The following CNTRL variants were observed in gnomAD, a reference collection of about 807,000 sequenced individuals.
CNTRL encodes 110 kDa centrosomal protein.
A neutral mutation model predicts 303.7 loss-of-function variants in CNTRL; 233 were observed. That is an observed-to-expected ratio of 0.77 (90% CI 0.69 to 0.86). The LOEUF is 0.86. CNTRL is among the 40% of genes least tolerant of loss of function. The probability of loss-of-function intolerance (pLI) is 0.00; values close to 1 mark genes in which losing one functional copy is unlikely to be tolerated. For synonymous variants in CNTRL, 900 were observed against 922.2 expected, an observed-to-expected ratio of 0.98 and a Z score of 0.44; for missense variants, 2,524 against 2,650.6, an observed-to-expected ratio of 0.95 and a Z score of 1.05.
chr9:121,147,537 G>T (rs936915379), intron 23 of CNTRL, among the ~76,000 whole-genome samples: 1 of 152,150 alleles, frequency 6.6e-6, no homozygotes, highest in Admixed American at 6.5e-5. Context: ...AGTGGAGCTG[G>T]GAAAGAGGAG....
intron 14 of CNTRL, among the ~76,000 whole-genome samples, chr9:121,134,094 A>G (rs1056765065): frequency 2.6e-5 from 4 of 152,318 alleles, no homozygotes; most frequent in African/African-American, 7.2e-5. Context: ...CTTGGATTCA[A>G]TAAATATTTT....
chr9:121,120,070 A>C (rs1438579910), intron 12 of CNTRL, among the ~76,000 whole-genome samples: 1 of 152,150 alleles, frequency 6.6e-6, no homozygotes, highest in Non-Finnish European at 1.5e-5. Context: ...CCTAAAATAC[A>C]AGGAAAAATA....
At chr9:121,121,211 CA>C (rs375439146) in intron 12 of CNTRL, among the ~76,000 whole-genome samples, 366 of 152,354 alleles carry the variant, frequency 2.4e-3, no homozygotes, top group Admixed American at 4.9e-3. Flanking sequence ...TAAGTGCCCA[CA>C]ATGTGTCATA....
rs1430879121 is a variant in CNTRL at position 121,098,533 on chromosome 9, A to T, written c.769A>T (p.Thr257Ser). The T allele has an allele frequency of 1.9e-6, 3 of 1,613,512 alleles. No individual in the cohort carries two copies. The highest frequency in any genetic ancestry group is 2.5e-6 in the Non-Finnish European group (3 of 1,179,756). ...AAGTTTGGAAGGTCAGCCAGTAACC[A>T]CTCAGGATAGACAGGAGGCTTTTGA... ...LESLEGQPVT[T>S]QDRQEAFERF... The change falls in exon 7 of 44, where the codon ACT becomes TCT. Residue 257 changes from threonine to serine, a missense_variant. Thr to Ser is a moderately conservative substitution (Grantham distance 58, BLOSUM62 1). Coordinates refer to ENST00000373855, the MANE Select transcript of CNTRL (RefSeq NM_007018.6).
intron 4 of CNTRL, among the ~76,000 whole-genome samples, chr9:121,094,582 A>T (rs1176592417): frequency 6.6e-6 from 1 of 152,162 alleles, no homozygotes; most frequent in Non-Finnish European, 1.5e-5. Context: ...GGGGAATGAG[A>T]GGGAGAGGTA....
chr9:121,079,634 T>C (rs2048062227), intron 1 of CNTRL, among the ~76,000 whole-genome samples: 1 of 152,238 alleles, frequency 6.6e-6, no homozygotes, highest in Admixed American at 6.5e-5. Context: ...TTTACATTTA[T>C]ATTTAAATAT....
At chr9:121,107,314 A>G (rs1157154027) in intron 7 of CNTRL, among the ~76,000 whole-genome samples, 1 of 152,212 alleles carries the variant, frequency 6.6e-6, no homozygotes. Context: ...AAGCTGCAGT[A>G]GAGTATGCTT....
At chr9:121,150,672 T>C in intron 25 of CNTRL, 189 bp downstream of exon 25, 1 of 604,194 alleles carries the variant, frequency 1.7e-6, no homozygotes, top group Non-Finnish European at 2.9e-6. Context: ...CATGTGCCTA[T>C]AATCCGAGCT....
intron 36 of CNTRL, among the ~76,000 whole-genome samples, chr9:121,167,256 A>G (rs1275541649): frequency 6.6e-6 from 1 of 152,104 alleles, no homozygotes. Flanking sequence ...GGTTGCAGTG[A>G]GCCGAGATCA....
rs569179446 is a variant in CNTRL at position 121,152,593 on chromosome 9, G to T, written c.4072G>T (p.Glu1358Ter). 6.2e-7 allele frequency: 1 copy of T among 1,613,828 alleles called. No individual in the cohort carries two copies. The highest frequency in any genetic ancestry group is 2.2e-5 in the East Asian group (1 of 44,870). The change falls in exon 26 of 44, where the codon GAA (glutamate) becomes TAA (stop). Residue 1358 changes from glutamate to a stop codon, truncating the protein, a stop_gained. Transcript: ENST00000373855. LOFTEE classifies it high-confidence loss of function. ...GCGGCAGTCGGAGAAAGAAATGGAAGAACTGCATCATAATATTGATGATCT... is the reference window on the plus strand; with the variant it reads ...GCGGCAGTCGGAGAAAGAAATGGAATAACTGCATCATAATATTGATGATCT... ...SKRQSEKEME[E>*]LHHNIDDLLQ...
chr9:121,145,505 G>T (rs886176035), intron 22 of CNTRL, 120 bp downstream of exon 22: 5 of 988,966 alleles, frequency 5.1e-6, no homozygotes, highest in Non-Finnish European at 7.4e-6. Flanking sequence ...GAGAGCTGTG[G>T]TAATTAGCTT....
In CNTRL at chr9:121,173,501, C is replaced by T; in HGVS notation, c.6676C>T (p.His2226Tyr). Residue 2226 changes from histidine (H) to tyrosine (Y), a missense_variant, in exon 41 of 44, where the codon CAC (histidine) becomes TAC (tyrosine). Physicochemically the swap from His to Tyr is moderately conservative, Grantham distance 83. Coordinates refer to ENST00000373855, the MANE Select transcript of CNTRL (RefSeq NM_007018.6). ...FEEKLNFSQV[H>Y]IMDEHWRGEA... ...AGAAAAACTGAACTTTTCCCAAGTT[C>T]ACATAATGGTAAGGGTTTATCCTGC... 2 of 1,613,178 alleles carry T rather than the reference C, an allele frequency of 1.2e-6. No individual in the cohort carries two copies. Among genetic ancestry groups the T allele is most frequent in the Non-Finnish European group, 1.7e-6 (2 of 1,179,822 alleles).
chr9:121,125,504 GC>G (rs1255657530), intron 13 of CNTRL, among the ~76,000 whole-genome samples: 4 of 151,976 alleles, frequency 2.6e-5, no homozygotes, highest in South Asian at 2.1e-4. Context: ...TATAAGCATT[GC>G]CCCCTAAATG....
chr9:121,148,635 T>TA, intron 23 of CNTRL, 37 bp from the exon 24 acceptor site: 1 of 1,552,638 alleles, frequency 6.4e-7, no homozygotes, highest in East Asian at 2.3e-5. Context: ...CCTTTCCATT[T>TA]ATAATAGATA....
intron 31 of CNTRL, 36 bp downstream of exon 31, chr9:121,159,055 G>A: frequency 6.3e-7 from 1 of 1,587,626 alleles, no homozygotes. Flanking sequence ...AAGAGTCGTA[G>A]GACAGTGCTA....
At chr9:121,104,807 T>C (rs971525712) in intron 7 of CNTRL, among the ~76,000 whole-genome samples, 1 of 150,032 alleles carries the variant, frequency 6.7e-6, no homozygotes, top group Non-Finnish European at 1.5e-5. Flanking sequence ...GTTCAAGTGG[T>C]TCTCCTGTCT....
In CNTRL at chr9:121,148,761, G is replaced by A. The variant is rs780222797; in HGVS notation, c.3549G>A (p.Gly1183=). The change falls in exon 24 of 44, where the codon GGG becomes GGA. Residue 1183 remains glycine (G), a synonymous_variant. Coordinates refer to ENST00000373855, the MANE Select transcript of CNTRL (RefSeq NM_007018.6). ...ASTPVRKPRP[G]QQDGKEGSQP... is the part of the protein sequence containing the mutation. ...CTCCTGTTAGAAAACCACGCCCTGG[G>A]CAGCAGGATGGGAAGGAAGGCAGTC... is the stretch of plus-strand genomic sequence containing the variant. 1 of 1,614,076 alleles carries A rather than the reference G, an allele frequency of 6.2e-7. No individual in the cohort carries two copies. Among genetic ancestry groups the A allele is most frequent in the South Asian group, 1.1e-5 (1 of 91,076 alleles).
intron 36 of CNTRL, 22 bp downstream of exon 36, chr9:121,166,202 T>C (rs1450480119): frequency 1.3e-6 from 2 of 1,560,064 alleles, no homozygotes; most frequent in African/African-American, 1.4e-5. Flanking sequence ...AAATGTAATA[T>C]TCTAGTAGTA....
Position 121,143,954 on chromosome 9 carries a change from G to T in CNTRL, c.2923G>T (p.Glu975Ter). ...SQEQVFGLDK[E>*]LKKLKKAVAT... ...GGAGCAAGTTTTTGGTTTAGATAAAGAACTGAAGAAACTAAAGAAAGCCGT... is the reference window on the plus strand; with the variant it reads ...GGAGCAAGTTTTTGGTTTAGATAAATAACTGAAGAAACTAAAGAAAGCCGT... The change falls in exon 20 of 44, where the codon GAA becomes TAA. Residue 975 changes from glutamate (E) to a stop codon, truncating the protein, a stop_gained. Coordinates refer to ENST00000373855, the MANE Select transcript of CNTRL (RefSeq NM_007018.6). LOFTEE classifies it high-confidence loss of function. 6.2e-7 allele frequency: 1 copy of T among 1,613,098 alleles called. No individual in the cohort carries two copies. Among genetic ancestry groups the T allele is most frequent in the East Asian group, 2.2e-5 (1 of 44,864 alleles).
Sources: allele counts gnomAD v4.1 joint callset (sites outside exome capture counted in the v4.1 genomes callset), GRCh38; gene constraint gnomAD v4.1.1; transcripts MANE v1.5; gene names NCBI Gene and HGNC (gene_info 2026-07-23, HGNC 2026-07-21).